Variants in MTMR4 observed in about 807,000 individuals in gnomAD.
MTMR4 encodes myotubularin related protein 4.
Under a neutral mutation model 125.5 loss-of-function variants are expected in MTMR4, and 30 were observed. That is an observed-to-expected ratio of 0.24 (90% CI 0.18 to 0.32). MTMR4 has a LOEUF of 0.32. Among genes scored for constraint, MTMR4 ranks in the 10% least tolerant of loss-of-function variants. The pLI is 1.00. For synonymous variants in MTMR4, 498 were observed against 564.5 expected (o/e 0.88, Z 1.67); for missense variants, 1,039 against 1,511.5 (o/e 0.69, Z 5.18).
In MTMR4 at chr17:58,508,671, C is replaced by A; in HGVS notation, c.496+10G>T. The stretch of plus-strand genomic sequence containing the variant: ...GAAGCAGCCTCCCAAAGAAAATAGA[C>A]TGGCCTCACCTGGCTGACATAGGTG... On this transcript the variant is annotated intron_variant, in intron 5 of 17. Coordinates refer to ENST00000682306, the MANE Select transcript of MTMR4 (RefSeq NM_001378067.1). This position sits in a 1 kb window ranked among gnomAD's most constrained non-coding sequence, Gnocchi z 4.8. The A allele has an allele frequency of 6.2e-7, 1 of 1,613,852 alleles. No individual in the cohort carries two copies. Among genetic ancestry groups the A allele is most frequent in the Non-Finnish European group, 8.5e-7 (1 of 1,179,720 alleles).
chr17:58,505,267 C>A (rs878885220), intron 10 of MTMR4, among the ~76,000 whole-genome samples: 3 of 152,202 alleles, frequency 2.0e-5, no homozygotes, highest in Admixed American at 2.0e-4. Flanking sequence ...CTGATCCAAA[C>A]GAAAGGAATC....
chr17:58,512,416 T>A lies in MTMR4; in HGVS notation c.226A>T (p.Ile76Phe). The A allele has an allele frequency of 6.2e-7, 1 of 1,614,132 alleles. No individual in the cohort carries two copies. Among genetic ancestry groups the A allele is most frequent in the South Asian group, 1.1e-5 (1 of 91,084 alleles). The stretch of plus-strand genomic sequence containing the variant: ...TTGATGACAGAGTCCTTGAATTTGA[T>A]ATGCAGCCGGTAGTTAGAGATGGCA... The part of the protein sequence containing the change: ...LIAISNYRLH[I>F]KFKDSVINVP... The change falls in exon 3 of 18, where the codon ATC becomes TTC. Residue 76 changes from isoleucine to phenylalanine, a missense_variant. Around this residue, in one of 6 missense-constraint regions of MTMR4, gnomAD observed 202 missense variants for 311.9 expected, o/e 0.65. Coordinates refer to ENST00000682306, the MANE Select transcript of MTMR4 (RefSeq NM_001378067.1). The surrounding 1 kb of genome is among the most constrained non-coding windows in gnomAD (Gnocchi z 4.1).
Position 58,491,630 on chromosome 17 carries a change from C to A in MTMR4, c.*33G>T. 6.2e-7 allele frequency: 1 copy of A among 1,600,622 alleles called. No individual in the cohort carries two copies. The highest frequency in any genetic ancestry group is 2.2e-5 in the East Asian group (1 of 44,502). ...AACTGAAGAAGATCCTCCCTTCAAA[C>A]CTGCTAAAATTGGACAGGTTTCTCC... On this transcript the variant is annotated 3_prime_UTR_variant, in exon 18 of 18. Coordinates refer to ENST00000682306, the MANE Select transcript of MTMR4 (RefSeq NM_001378067.1).
rs1482230290 is a variant in MTMR4, at chr17:58,507,117, C to T, written c.904+6G>A. ...CCCTGGGGGGTTAGCATCATCCACA[C>T]CTTACCAAAGTCAGCATCACACGCC... On this transcript the variant is annotated splice_donor_region_variant and intron_variant, in intron 8 of 17. Coordinates refer to ENST00000682306, the MANE Select transcript of MTMR4 (RefSeq NM_001378067.1). The T allele has an allele frequency of 6.2e-7, 1 of 1,614,148 alleles. No homozygotes were observed. The highest frequency in any genetic ancestry group is 1.7e-5 in the Admixed American group (1 of 60,016).
intron 8 of MTMR4, 23 bp from the exon 9 acceptor site, chr17:58,506,894 T>G: frequency 6.2e-7 from 1 of 1,604,168 alleles, no homozygotes; most frequent in Non-Finnish European, 8.5e-7. Flanking sequence ...CAGGAAGGAG[T>G]CCCTGAGTCA....
intron 15 of MTMR4, among the ~76,000 whole-genome samples, chr17:58,494,047 G>T (rs1975386010): frequency 6.6e-6 from 1 of 152,122 alleles, no homozygotes; most frequent in African/African-American, 2.4e-5. Context: ...GGGCGCAGTG[G>T]CTCACGCCTG....
intron 15 of MTMR4, among the ~76,000 whole-genome samples, chr17:58,493,482 A>T (rs542812239): frequency 6.6e-6 from 1 of 152,366 alleles, no homozygotes; most frequent in African/African-American, 2.4e-5. Flanking sequence ...CCTCCTGAGT[A>T]GTTGGGACCA....
Position 58,512,161 on chromosome 17 carries a change from T to C in MTMR4, c.252+229A>G, listed in dbSNP as rs1345101837. Among the ~76,000 whole-genome samples, 2 of 152,130 alleles carry C rather than the reference T, an allele frequency of 1.3e-5. No homozygotes were observed. Among genetic ancestry groups the C allele is most frequent in the African/African-American group, 4.8e-5 (2 of 41,430 alleles). On this transcript the variant is annotated intron_variant, in intron 3 of 17. Transcript: ENST00000682306. This position sits in a 1 kb window ranked among gnomAD's most constrained non-coding sequence, Gnocchi z 4.1. ...CCACCAAGCCCGACTAATTTTTGTATTGTTAGTAGAGACACAGTTTCACCA... is the reference window on the plus strand; with the variant it reads ...CCACCAAGCCCGACTAATTTTTGTACTGTTAGTAGAGACACAGTTTCACCA...
In MTMR4 at chr17:58,499,916, C is replaced by T. The variant is rs192896523; in HGVS notation, c.1854-3586G>A. Among the ~76,000 whole-genome samples, 384 of 152,074 alleles carry T rather than the reference C, an allele frequency of 2.5e-3. 2 individuals carry two copies. The highest frequency in any genetic ancestry group is 3.5e-3 in the South Asian group (17 of 4,810). ...AAGTGCTGGGATTACAAGCATGAGC[C>T]ACCACGCCCAGCCATTTGTCCAGTT... On this transcript the variant is annotated intron_variant, in intron 14 of 17. Transcript: ENST00000682306.
At position 58,504,102 on chromosome 17, in the gene MTMR4, C is replaced by T. The variant is rs1372132189; in HGVS notation, c.1646G>A (p.Arg549Gln). Reference protein sequence around the residue: ...KRTCSVWALLRAGNKNFHNFL... With the variant: ...KRTCSVWALLQAGNKNFHNFL... Reference sequence around the variant, plus strand: ...GTTATGAAAGTTTTTATTGCCAGCTCGAAGGAGCGCCCACACAGAGCAGGT... The same window carrying T: ...GTTATGAAAGTTTTTATTGCCAGCTTGAAGGAGCGCCCACACAGAGCAGGT... Residue 549 changes from arginine to glutamine, a missense_variant, in exon 13 of 18, where the codon CGA (arginine) becomes CAA (glutamine). Coordinates refer to ENST00000682306, the MANE Select transcript of MTMR4 (RefSeq NM_001378067.1). This position sits in a 1 kb window ranked among gnomAD's most constrained non-coding sequence, Gnocchi z 7.1. 3.8e-6 allele frequency: 6 copies of T among 1,591,754 alleles called. No homozygotes were observed. The highest frequency in any genetic ancestry group is 2.3e-5 in the South Asian group (2 of 87,724).
chr17:58,507,463 C>G (rs1975808845), intron 7 of MTMR4, 144 bp from the exon 8 acceptor site: 1 of 650,674 alleles, frequency 1.5e-6, no homozygotes, highest in Non-Finnish European at 2.6e-6. Flanking sequence ...CCCAACGTCA[C>G]TAGCAGGCTT....
Position 58,491,795 on chromosome 17 carries a change from C to G in MTMR4, c.3498G>C (p.Leu1166=). 1 of 1,613,928 alleles carries G rather than the reference C, an allele frequency of 6.2e-7. No homozygotes were observed. Among genetic ancestry groups the G allele is most frequent in the Non-Finnish European group, 8.5e-7 (1 of 1,179,862 alleles). The change falls in exon 18 of 18, where the codon CTG becomes CTC. Residue 1166 remains leucine, a synonymous_variant. Coordinates refer to ENST00000682306, the MANE Select transcript of MTMR4 (RefSeq NM_001378067.1). ...VFCAGCCHLK[L]PIPDQQLYDP... is the part of the protein sequence containing the mutation. ...CATAGAGTTGCTGATCAGGAATGGG[C>G]AGCTTCAGGTGGCAGCATCCAGCAC...
chr17:58,492,008 T>TA (rs1201893427), intron 17 of MTMR4, among the ~76,000 whole-genome samples, 168 bp from the exon 18 acceptor site: 1 of 151,968 alleles, frequency 6.6e-6, no homozygotes, highest in Non-Finnish European at 1.5e-5. Context: ...CCATCGCTAA[T>TA]AAAAAAATAA....
intron 14 of MTMR4, among the ~76,000 whole-genome samples, chr17:58,501,224 A>T (rs1975617791): frequency 6.6e-6 from 1 of 152,212 alleles, no homozygotes; most frequent in African/African-American, 2.4e-5. Context: ...AAAAACTTTC[A>T]GCCAGGCTGG....
chr17:58,499,026 C>G (rs749453332), intron 14 of MTMR4, among the ~76,000 whole-genome samples: 1 of 152,174 alleles, frequency 6.6e-6, no homozygotes, highest in Non-Finnish European at 1.5e-5. Flanking sequence ...GTGCCTCCAG[C>G]TACCCTGTAC....
At chr17:58,507,396 G>C (rs1799489002) in intron 7 of MTMR4, 77 bp from the exon 8 acceptor site, 5 of 1,370,590 alleles carry the variant, frequency 3.6e-6, no homozygotes, top group South Asian at 1.3e-5. Context: ...TTAGACCAAA[G>C]TCTCTAGAGC....
chr17:58,492,386 G>T (rs1975336283), intron 17 of MTMR4, 125 bp downstream of exon 17: 2 of 778,924 alleles, frequency 2.6e-6, no homozygotes, highest in Non-Finnish European at 4.2e-6. Flanking sequence ...GGCCAGGATG[G>T]TCTCAATCTC....
intron 17 of MTMR4, 121 bp downstream of exon 17, chr17:58,492,390 C>T: frequency 1.2e-6 from 1 of 806,082 alleles, no homozygotes; most frequent in Non-Finnish European, 2.0e-6. Context: ...AGGATGGTCT[C>T]AATCTCCTCA....
chr17:58,514,180 T>C (rs1264799167), intron 1 of MTMR4, 183 bp downstream of exon 1: 1 of 454,914 alleles, frequency 2.2e-6, no homozygotes, highest in Non-Finnish European at 2.9e-6. Context: ...CCTTCGACCA[T>C]CTCCGGCACC....
Sources: allele counts gnomAD v4.1 joint callset (sites outside exome capture counted in the v4.1 genomes callset), GRCh38; gene constraint gnomAD v4.1.1; regional missense constraint gnomAD v4.1.1; non-coding constraint Gnocchi (gnomAD v3.1); transcripts MANE v1.5; gene names NCBI Gene and HGNC (gene_info 2026-07-23, HGNC 2026-07-21).